Variants in GABRG3 observed in about 807,000 individuals in gnomAD.
GABRG3 encodes gamma-aminobutyric acid receptor subunit gamma-3.
A neutral mutation model predicts 48.8 loss-of-function variants in GABRG3; 25 were observed. The observed-to-expected ratio is 0.51, with a 90% CI of 0.37 to 0.72. The LOEUF (loss-of-function observed/expected upper bound fraction) is 0.72, where lower values mean the gene tolerates loss of function less well. GABRG3 is among the 30% of genes least tolerant of loss of function. GABRG3 has a pLI of 0.00. For missense variants in GABRG3, 394 were observed against 577.9 expected, an observed-to-expected ratio of 0.68 and a Z score of 3.26; for synonymous variants, 227 against 217.6, an observed-to-expected ratio of 1.04 and a Z score of -0.38.
intron 6 of GABRG3, among the ~76,000 whole-genome samples, chr15:27,499,817 G>T (rs767344743): frequency 6.6e-6 from 1 of 152,182 alleles, no homozygotes; most frequent in African/African-American, 2.4e-5. Flanking sequence ...AAGCAGATGT[G>T]GATGGGGAGC....
At position 27,176,773 on chromosome 15, in the gene GABRG3, G is replaced by T. The variant is rs530436784; in HGVS notation, c.270+149952G>T. Reference sequence around the variant, plus strand: ...TGGGGGCTTTTGAAGGAAGTATCTAGAGTCAAAAAAGACTTAGGGCATGCC... The same window carrying T: ...TGGGGGCTTTTGAAGGAAGTATCTATAGTCAAAAAAGACTTAGGGCATGCC... On this transcript the variant is annotated intron_variant, in intron 3 of 9. Coordinates refer to ENST00000615808, the MANE Select transcript of GABRG3 (RefSeq NM_033223.5). Among the ~76,000 whole-genome samples, 12 of 152,264 alleles carry T rather than the reference G, an allele frequency of 7.9e-5. No individual in the cohort carries two copies. The East Asian group carries it at 1.4e-3, about 17-fold the overall frequency.
intron 3 of GABRG3, among the ~76,000 whole-genome samples, chr15:27,313,274 A>ATATATATATATGTATG (rs1893083031): frequency 2.8e-5 from 2 of 71,970 alleles, no homozygotes; most frequent in Admixed American, 3.1e-4. Context: ...ATATATATAT[A>ATATATATATATGTATG]TATATATATA....
chr15:27,440,699 A>G (rs1453365877), intron 5 of GABRG3, among the ~76,000 whole-genome samples: 2 of 152,122 alleles, frequency 1.3e-5, no homozygotes, highest in Non-Finnish European at 2.9e-5. Context: ...TTCCTTCTCT[A>G]TTTTACAGTT....
chr15:27,525,959 A>C (rs1383639726), intron 7 of GABRG3, among the ~76,000 whole-genome samples: 1 of 151,722 alleles, frequency 6.6e-6, no homozygotes, highest in East Asian at 1.9e-4. Flanking sequence ...TAAAAAAGTA[A>C]ATAAAATAAT....
At position 27,012,407 on chromosome 15, in the gene GABRG3, C is replaced by T. The variant is rs117217022; in HGVS notation, c.203-14347C>T. 3.5e-3 allele frequency among the ~76,000 whole-genome samples: 538 copies of T among 152,200 alleles called. 1 individual carries two copies. The highest frequency in any genetic ancestry group is 5.5e-3 in the Non-Finnish European group (373 of 68,000). On this transcript the variant is annotated intron_variant, in intron 2 of 9. Transcript: ENST00000615808. Reference sequence around the variant, plus strand: ...TATGGTTTTCATAATGTTCATCATTCTTGGAGTTTGATGAAGTGCTCAGAT... The same window carrying T: ...TATGGTTTTCATAATGTTCATCATTTTTGGAGTTTGATGAAGTGCTCAGAT...
In GABRG3 at chr15:26,976,149, G is replaced by A. The variant is rs1894939129; in HGVS notation, c.54-853G>A. Among the ~76,000 whole-genome samples, 1 of 151,874 alleles carries A rather than the reference G, an allele frequency of 6.6e-6. No homozygotes were observed. The highest frequency in any genetic ancestry group is 1.9e-4 in the East Asian group (1 of 5,168). Reference sequence around the variant, plus strand: ...AAAAAAAAAAAGGGAAAACTAGCCGGTCATCCTGAGGCCTCTCCATTCAGG... The same window carrying A: ...AAAAAAAAAAAGGGAAAACTAGCCGATCATCCTGAGGCCTCTCCATTCAGG... On this transcript the variant is annotated intron_variant, in intron 1 of 9. Coordinates refer to ENST00000615808, the MANE Select transcript of GABRG3 (RefSeq NM_033223.5). The surrounding 1 kb of genome is among the most constrained non-coding windows in gnomAD (Gnocchi z 7.8).
At chr15:27,247,326 C>T (rs559188671) in intron 3 of GABRG3, among the ~76,000 whole-genome samples, 21 of 152,262 alleles carry the variant, frequency 1.4e-4, no homozygotes, top group African/African-American at 4.6e-4. Context: ...TCCTGCCACT[C>T]TCTTCCAGCC....
intron 5 of GABRG3, among the ~76,000 whole-genome samples, chr15:27,371,164 A>T (rs1257580579): frequency 6.6e-6 from 1 of 152,214 alleles, no homozygotes; most frequent in Non-Finnish European, 1.5e-5. Context: ...GTGGAAAAAA[A>T]AAAGGTATGC....
At position 27,180,192 on chromosome 15, in the gene GABRG3, C is replaced by T. The variant is rs1240189800; in HGVS notation, c.271-146617C>T. On this transcript the variant is annotated intron_variant, in intron 3 of 9. Coordinates refer to ENST00000615808, the MANE Select transcript of GABRG3 (RefSeq NM_033223.5). The surrounding 1 kb of genome is among the most constrained non-coding windows in gnomAD (Gnocchi z 4.2). Reference sequence around the variant, plus strand: ...ATAAATTGAGCCTGCCCATAATGAACACACACTTTTTCTGAAGGACCTTAG... The same window carrying T: ...ATAAATTGAGCCTGCCCATAATGAATACACACTTTTTCTGAAGGACCTTAG... Among the ~76,000 whole-genome samples, 3 of 152,132 alleles carry T rather than the reference C, an allele frequency of 2.0e-5. No homozygotes were observed. The East Asian group carries it at 5.8e-4, about 29-fold the overall frequency.
At chr15:27,416,196 C>T (rs554438300) in intron 5 of GABRG3, among the ~76,000 whole-genome samples, 37 of 152,238 alleles carry the variant, frequency 2.4e-4, no homozygotes, top group Non-Finnish European at 5.0e-4. Flanking sequence ...ACAGGATGTA[C>T]CGGGTAAGAG....
At chr15:27,043,743 G>T (rs1342474308) in intron 3 of GABRG3, among the ~76,000 whole-genome samples, 1 of 152,218 alleles carries the variant, frequency 6.6e-6, no homozygotes, top group Non-Finnish European at 1.5e-5. Context: ...GTACCCCAAT[G>T]CTTTGTGGCT....
Position 27,346,345 on chromosome 15 carries a change from T to C in GABRG3, c.574+17457T>C, listed in dbSNP as rs1295030022. Among the ~76,000 whole-genome samples, 3 of 152,200 alleles carry C rather than the reference T, an allele frequency of 2.0e-5. No individual in the cohort carries two copies. In the East Asian group the frequency reaches 5.8e-4, roughly 29 times the overall value. On this transcript the variant is annotated intron_variant, in intron 5 of 9. Transcript: ENST00000615808. Reference sequence around the variant, plus strand: ...TTACACCCTTCATTCCCCAGCTTTTTCCAAAATTGACTGTTTTGGCTTCCT... The same window carrying C: ...TTACACCCTTCATTCCCCAGCTTTTCCCAAAATTGACTGTTTTGGCTTCCT...
intron 3 of GABRG3, among the ~76,000 whole-genome samples, chr15:27,099,224 A>G (rs1221851593): frequency 1.3e-5 from 2 of 152,210 alleles, no homozygotes. Context: ...CACTTCACTC[A>G]AAGTGCTAAG....
At position 27,268,999 on chromosome 15, in the gene GABRG3, T is replaced by G. The variant is rs74710508; in HGVS notation, c.271-57810T>G. Among the ~76,000 whole-genome samples, 779 of 152,320 alleles carry G rather than the reference T, an allele frequency of 5.1e-3. 19 individuals carry two copies. In the East Asian group the frequency reaches 0.06, roughly 12 times the overall value. On this transcript the variant is annotated intron_variant, in intron 3 of 9. Coordinates refer to ENST00000615808, the MANE Select transcript of GABRG3 (RefSeq NM_033223.5). ...GCCCAGGGTCTGTCTTGCAAATCTC[T>G]TGTTTCATTTATCTTGTTCATTTTT... is the stretch of plus-strand genomic sequence containing the variant.
intron 6 of GABRG3, among the ~76,000 whole-genome samples, chr15:27,487,613 A>G (rs1479817127): frequency 6.6e-6 from 1 of 152,150 alleles, no homozygotes; most frequent in African/African-American, 2.4e-5. Context: ...TTATTTATCT[A>G]TCCAGTGTTG....
chr15:27,451,474 C>T (rs1889109192), intron 5 of GABRG3, among the ~76,000 whole-genome samples: 2 of 152,076 alleles, frequency 1.3e-5, no homozygotes, highest in South Asian at 4.1e-4. Context: ...GTTGGGAAAA[C>T]TGTATAGACA....
intron 5 of GABRG3, among the ~76,000 whole-genome samples, chr15:27,348,349 C>A (rs1378269610): frequency 2.6e-5 from 4 of 152,064 alleles, no homozygotes; most frequent in Non-Finnish European, 5.9e-5. Context: ...GAGTCATGTA[C>A]CTAACCAAGA....
chr15:26,982,237 G>C (rs1338179540), intron 2 of GABRG3, among the ~76,000 whole-genome samples: 1 of 152,174 alleles, frequency 6.6e-6, no homozygotes. Flanking sequence ...CTCCTTGATT[G>C]TCAGACACTG....
chr15:27,495,856 A>G (rs949655890), intron 6 of GABRG3, among the ~76,000 whole-genome samples: 33 of 152,242 alleles, frequency 2.2e-4, no homozygotes, highest in African/African-American at 7.2e-4. Flanking sequence ...TTCTTGTTCT[A>G]TGTTTAGCAA....
Sources: gnomAD v4.1 joint callset for allele counts (sites outside exome capture counted in the v4.1 genomes callset) on GRCh38, gnomAD v4.1.1 for gene constraint, Gnocchi (gnomAD v3.1) non-coding constraint, MANE v1.5 for transcripts, NCBI Gene and HGNC (gene_info 2026-07-23, HGNC 2026-07-21) for gene names.